Variants in PTPRN2 observed in about 807,000 individuals in gnomAD.
PTPRN2 encodes protein tyrosine phosphatase receptor type N2.
In PTPRN2, 74 loss-of-function variants were observed where a neutral mutation model predicts 118.8. That is an observed-to-expected ratio of 0.62 (90% CI 0.52 to 0.76). The LOEUF is 0.76. PTPRN2 is among the 30% of genes least tolerant of loss of function. PTPRN2 has a pLI of 0.00. For missense variants in PTPRN2, 1,481 were observed against 1,394.4 expected (o/e 1.06, Z -0.99); for synonymous variants, 641 against 608.0 (o/e 1.05, Z -0.80).
intron 12 of PTPRN2, among the ~76,000 whole-genome samples, chr7:157,850,779 C>T (rs539074519): frequency 1.9e-4 from 29 of 152,286 alleles, no homozygotes; most frequent in African/African-American, 7.0e-4. Flanking sequence ...ACACCACAAG[C>T]GGCCACGGTA....
rs1175714895 is a variant in PTPRN2, at chr7:158,411,227, C to T, written c.163+78508G>A. Among the ~76,000 whole-genome samples the T allele has an allele frequency of 3.3e-5, 5 of 152,214 alleles. No individual in the cohort carries two copies. The East Asian group carries it at 5.8e-4, about 18-fold the overall frequency. ...AACGCAGCTCCGTTTCTGCCTCCCACGGCTTCTTCACACGCTTCCCAGTGG... is the reference window on the plus strand; with the variant it reads ...AACGCAGCTCCGTTTCTGCCTCCCATGGCTTCTTCACACGCTTCCCAGTGG... On this transcript the variant is annotated intron_variant, in intron 2 of 22. Coordinates refer to ENST00000389418, the MANE Select transcript of PTPRN2 (RefSeq NM_002847.5).
intron 4 of PTPRN2, among the ~76,000 whole-genome samples, chr7:158,196,119 G>A (rs191331696): frequency 9.2e-5 from 14 of 152,278 alleles, no homozygotes; most frequent in South Asian, 2.1e-4. Flanking sequence ...GCACTATGTC[G>A]CACCCTGTGT....
intron 20 of PTPRN2, among the ~76,000 whole-genome samples, chr7:157,570,641 T>C (rs1484355248): frequency 6.6e-6 from 1 of 152,236 alleles, no homozygotes; most frequent in East Asian, 1.9e-4. Context: ...GGTTTTAACG[T>C]ACTTAGGGAT....
intron 11 of PTPRN2, among the ~76,000 whole-genome samples, chr7:158,036,347 C>A (rs946439840): frequency 6.6e-6 from 1 of 152,208 alleles, no homozygotes; most frequent in Non-Finnish European, 1.5e-5. Flanking sequence ...AACCAACTCT[C>A]ATAAACAGCA....
rs535941235 is a variant in PTPRN2, at chr7:158,419,433, A to G, written c.163+70302T>C. Among the ~76,000 whole-genome samples the G allele has an allele frequency of 1.4e-4, 21 of 152,320 alleles. No homozygotes were observed. The South Asian group carries it at 4.4e-3, about 32-fold the overall frequency. ...TTGCAAGAATTCTGTCACTGCCGTA[A>G]TCACTCATCAGAGACTGAGGAAGTC... On this transcript the variant is annotated intron_variant, in intron 2 of 22. Coordinates refer to ENST00000389418, the MANE Select transcript of PTPRN2 (RefSeq NM_002847.5).
intron 13 of PTPRN2, among the ~76,000 whole-genome samples, chr7:157,680,340 C>T (rs1430430311): frequency 5.9e-5 from 9 of 151,582 alleles, no homozygotes; most frequent in African/African-American, 2.2e-4. Flanking sequence ...GAGAAGACAC[C>T]TTTCCTGAAA....
chr7:157,876,836 G>A (rs1172009638), intron 12 of PTPRN2, among the ~76,000 whole-genome samples: 3 of 152,316 alleles, frequency 2.0e-5, no homozygotes, highest in East Asian at 1.9e-4. Flanking sequence ...GTGCCAGCAC[G>A]GGGGCATGCC....
intron 3 of PTPRN2, among the ~76,000 whole-genome samples, chr7:158,207,937 A>G (rs1827289318): frequency 6.6e-6 from 1 of 152,218 alleles, no homozygotes; most frequent in South Asian, 2.1e-4. Flanking sequence ...AAACTTAACA[A>G]TGAAATTAGA....
At chr7:157,693,387 G>A (rs1344595185) in intron 12 of PTPRN2, among the ~76,000 whole-genome samples, 1 of 152,098 alleles carries the variant, frequency 6.6e-6, no homozygotes, top group East Asian at 1.9e-4. Flanking sequence ...CGCGGTGCTG[G>A]GAGCGCCCTA....
At chr7:157,541,657 C>T (rs564615468) in intron 22 of PTPRN2, among the ~76,000 whole-genome samples, 6 of 152,324 alleles carry the variant, frequency 3.9e-5, no homozygotes, top group East Asian at 1.9e-4. Context: ...AACGCGTGGA[C>T]GGAAACAACA....
chr7:157,613,990 C>T (rs1802577471), intron 15 of PTPRN2: 1 of 470,586 alleles, frequency 2.1e-6, no homozygotes, highest in Non-Finnish European at 4.4e-6. Context: ...ACAGGGCTGG[C>T]CTCCACATTC....
chr7:157,648,851 G>A (rs551481230), intron 14 of PTPRN2, among the ~76,000 whole-genome samples: 38 of 139,034 alleles, frequency 2.7e-4, no homozygotes, highest in South Asian at 4.9e-4. Flanking sequence ...CCCATCCAGC[G>A]TGCACTGAAC....
Position 158,446,054 on chromosome 7 carries a change from ACT to A in PTPRN2, c.163+43679_163+43680del, listed in dbSNP as rs375122337. On this transcript the variant is annotated intron_variant, in intron 2 of 22. Transcript: ENST00000389418. The stretch of plus-strand genomic sequence containing the variant: ...CTCAGGACACGTGAGAACCCAGGAC[ACT>A]CAGCGTGGGCAGGTAAACCCTGGTG... Among the ~76,000 whole-genome samples the A allele has an allele frequency of 6.6e-4, 100 of 152,160 alleles. 2 individuals are homozygous for A. The South Asian group carries it at 0.02, about 31-fold the overall frequency.
At chr7:158,505,343 A>C (rs1172670088) in intron 1 of PTPRN2, among the ~76,000 whole-genome samples, 1 of 152,102 alleles carries the variant, frequency 6.6e-6, no homozygotes, top group African/African-American at 2.4e-5. Flanking sequence ...ACGGAGTAAA[A>C]GCTTTTCGTT....
Position 158,358,145 on chromosome 7 carries a change from G to C in PTPRN2, c.164-41213C>G, listed in dbSNP as rs539482279. On this transcript the variant is annotated intron_variant, in intron 2 of 22. Transcript: ENST00000389418. ...AGCAGCCCGGCTCACCCCTGCAGGCGGGGACTGGGTGCCCAGCAAGCCTCG... is the reference window on the plus strand; with the variant it reads ...AGCAGCCCGGCTCACCCCTGCAGGCCGGGACTGGGTGCCCAGCAAGCCTCG... Among the ~76,000 whole-genome samples the C allele has an allele frequency of 2.0e-4, 31 of 152,318 alleles. No individual in the cohort carries two copies. In the South Asian group the frequency reaches 6.0e-3, roughly 30 times the overall value.
chr7:158,350,461 G>T (rs1807842268), intron 2 of PTPRN2, among the ~76,000 whole-genome samples: 1 of 152,232 alleles, frequency 6.6e-6, no homozygotes, highest in Non-Finnish European at 1.5e-5. Context: ...CCTGCTTCTG[G>T]TGTCTGACTG....
intron 1 of PTPRN2, among the ~76,000 whole-genome samples, chr7:158,550,310 G>A (rs1034210612): frequency 2.0e-5 from 3 of 152,230 alleles, no homozygotes; most frequent in African/African-American, 4.8e-5. Flanking sequence ...ATCTCCTGAG[G>A]CTGCCACTGG....
intron 15 of PTPRN2, among the ~76,000 whole-genome samples, chr7:157,612,058 T>C (rs1366358305): frequency 6.6e-6 from 1 of 152,204 alleles, no homozygotes; most frequent in Non-Finnish European, 1.5e-5. Context: ...TGCCCATCCC[T>C]GGCGCTCTGT....
chr7:157,652,893 G>A (rs756571780), intron 14 of PTPRN2, among the ~76,000 whole-genome samples: 1 of 152,232 alleles, frequency 6.6e-6, no homozygotes, highest in Non-Finnish European at 1.5e-5. Context: ...TCTCCAGCAC[G>A]GAATCCCAGC....
Sources: allele counts gnomAD v4.1 joint callset (sites outside exome capture counted in the v4.1 genomes callset), GRCh38; gene constraint gnomAD v4.1.1; transcripts MANE v1.5; gene names NCBI Gene and HGNC (gene_info 2026-07-23, HGNC 2026-07-21).